TINAG: variants seen among roughly 807,000 people sequenced by gnomAD.
TINAG encodes tubulointerstitial nephritis antigen.
In TINAG, 83 loss-of-function variants were observed where a neutral mutation model predicts 72.7. The ratio of observed to expected loss-of-function variants is 1.14; its 90% CI spans 0.96 to 1.37. The LOEUF (loss-of-function observed/expected upper bound fraction) is 1.37. Ranked by LOEUF, TINAG falls within the 40% of genes most tolerant of loss-of-function variation. The probability of loss-of-function intolerance (pLI) is 0.00; values close to 1 mark genes in which losing one functional copy is unlikely to be tolerated. For synonymous variants in TINAG, 234 were observed against 189.9 expected (o/e 1.23, Z -1.91); for missense variants, 685 against 576.6 (o/e 1.19, Z -1.93).
intron 1 of TINAG, among the ~76,000 whole-genome samples, chr6:54,319,429 T>C (rs1784440918): frequency 6.6e-6 from 1 of 152,148 alleles, no homozygotes. Flanking sequence ...AGGAAAACTG[T>C]GGTCAAGAGA....
At chr6:54,309,292 C>T (rs1784184569) in intron 1 of TINAG, among the ~76,000 whole-genome samples, 1 of 152,090 alleles carries the variant, frequency 6.6e-6, no homozygotes, top group African/African-American at 2.4e-5. Flanking sequence ...TCAAGAAAGT[C>T]GCAAGATTTC....
intron 4 of TINAG, chr6:54,327,320 G>C (rs1784631038): frequency 1.3e-6 from 1 of 773,342 alleles, no homozygotes; most frequent in Non-Finnish European, 1.8e-6. Flanking sequence ...AGCAGGGTAG[G>C]ATGTCACCTC....
chr6:54,370,399 C>T (rs1763567361), intron 9 of TINAG, among the ~76,000 whole-genome samples: 1 of 151,696 alleles, frequency 6.6e-6, no homozygotes, highest in Non-Finnish European at 1.5e-5. Context: ...TTGAACCTTA[C>T]TACAAAGTGA....
intron 4 of TINAG, among the ~76,000 whole-genome samples, chr6:54,338,711 C>T (rs1465938931): frequency 1.8e-5 from 2 of 112,792 alleles, no homozygotes; most frequent in African/African-American, 7.5e-5. Flanking sequence ...CAGAGCAAGA[C>T]TCTGTCTCAA....
chr6:54,317,557 T>C (rs1848439), intron 1 of TINAG, among the ~76,000 whole-genome samples: 117,979 of 152,118 alleles, frequency 0.78, 46,187 homozygotes, highest in African/African-American at 0.87. Flanking sequence ...TGAGGCCTCC[T>C]CAGCCATGTG....
chr6:54,361,122 G>T lies in TINAG; in HGVS notation c.1250+6486G>T, dbSNP rs1489038591. Among the ~76,000 whole-genome samples, 4 of 151,062 alleles carry T rather than the reference G, an allele frequency of 2.6e-5. No individual in the cohort carries two copies. The Admixed American group carries it at 2.7e-4, about 10-fold the overall frequency. On this transcript the variant is annotated intron_variant, in intron 9 of 10. Coordinates refer to ENST00000259782, the MANE Select transcript of TINAG (RefSeq NM_014464.4). ...AACTTGATTGTTAAATATTGTGTAT[G>T]TTCTAACTCTTCTATCAATGGGGCG...
intron 5 of TINAG, among the ~76,000 whole-genome samples, chr6:54,344,034 G>A (rs1582723323): frequency 6.6e-6 from 1 of 152,150 alleles, no homozygotes. Context: ...TGTCCTCAAA[G>A]GAGTGTTGAA....
chr6:54,345,018 T>G (rs983700569), intron 5 of TINAG, among the ~76,000 whole-genome samples: 5 of 152,112 alleles, frequency 3.3e-5, no homozygotes, highest in African/African-American at 1.2e-4. Context: ...TTTTAAAAAC[T>G]TATGTAATCA....
chr6:54,336,157 T>C (rs115465032), intron 4 of TINAG, among the ~76,000 whole-genome samples: 91 of 152,220 alleles, frequency 6.0e-4, no homozygotes, highest in African/African-American at 1.9e-3. Flanking sequence ...ACAATGGTGG[T>C]AGTATCTAGC....
At chr6:54,349,564 C>T (rs1467648350) in intron 6 of TINAG, 152 bp from the exon 7 acceptor site, 3 of 514,474 alleles carry the variant, frequency 5.8e-6, no homozygotes, top group Non-Finnish European at 9.5e-6. Flanking sequence ...TGTCATTGAG[C>T]TTCTGTGTTG....
intron 3 of TINAG, 65 bp from the exon 4 acceptor site, chr6:54,326,737 T>C (rs887879331): frequency 1.7e-6 from 2 of 1,159,228 alleles, no homozygotes; most frequent in African/African-American, 3.3e-5. Context: ...GAAAATGTAT[T>C]TATAAAAGTG....
At chr6:54,371,136 G>T (rs1226822315) in intron 9 of TINAG, among the ~76,000 whole-genome samples, 1 of 150,262 alleles carries the variant, frequency 6.7e-6, no homozygotes, top group Non-Finnish European at 1.5e-5. Flanking sequence ...GTGTGTGTGT[G>T]TGTCAGAGAG....
chr6:54,346,617 T>G (rs1465915581), intron 5 of TINAG, among the ~76,000 whole-genome samples: 3 of 151,652 alleles, frequency 2.0e-5, no homozygotes, highest in Non-Finnish European at 4.4e-5. Context: ...CAACAGTTAG[T>G]AACAGTAGTA....
chr6:54,375,346 G>T (rs1304567733), intron 9 of TINAG, among the ~76,000 whole-genome samples: 1 of 152,092 alleles, frequency 6.6e-6, no homozygotes, highest in African/African-American at 2.4e-5. Flanking sequence ...TTTATGTGTA[G>T]AGCCATATCA....
intron 9 of TINAG, among the ~76,000 whole-genome samples, chr6:54,371,998 T>G (rs968241302): frequency 4.9e-5 from 7 of 142,806 alleles, no homozygotes; most frequent in African/African-American, 1.0e-4. Flanking sequence ...TTTTTTTTTT[T>G]TTTTTTTTTT....
At chr6:54,315,830 C>T (rs1365495086) in intron 1 of TINAG, among the ~76,000 whole-genome samples, 1 of 152,046 alleles carries the variant, frequency 6.6e-6, no homozygotes, top group Admixed American at 6.6e-5. Flanking sequence ...GTGAACAGAC[C>T]TAAGTTGATT....
intron 9 of TINAG, among the ~76,000 whole-genome samples, chr6:54,379,240 T>C (rs2150981618): frequency 6.6e-6 from 1 of 152,296 alleles, no homozygotes; most frequent in South Asian, 2.1e-4. Context: ...GGGGCCTATA[T>C]GTCTGTAAAA....
chr6:54,377,921 C>A (rs1274361650), intron 9 of TINAG, among the ~76,000 whole-genome samples: 1 of 151,928 alleles, frequency 6.6e-6, no homozygotes, highest in Non-Finnish European at 1.5e-5. Flanking sequence ...AGGTTTTAAC[C>A]ACAGGAATTT....
intron 4 of TINAG, among the ~76,000 whole-genome samples, chr6:54,333,848 G>A (rs1213974453): frequency 2.0e-5 from 3 of 152,012 alleles, no homozygotes; most frequent in Admixed American, 2.0e-4. Flanking sequence ...ATAAATGTTA[G>A]TATCTTCAGA....
Sources: allele counts gnomAD v4.1 joint callset (sites outside exome capture counted in the v4.1 genomes callset), GRCh38; gene constraint gnomAD v4.1.1; transcripts MANE v1.5; gene names NCBI Gene and HGNC (gene_info 2026-07-23, HGNC 2026-07-21).